The following PLXDC2 variants were observed in gnomAD, a reference collection of about 807,000 sequenced individuals.
PLXDC2 encodes the protein plexin domain containing 2, also known as plexin domain-containing protein 2.
Under a neutral mutation model 68.9 loss-of-function variants are expected in PLXDC2, and 40 were observed. The ratio of observed to expected loss-of-function variants is 0.58; its 90% confidence interval spans 0.45 to 0.76. The LOEUF (loss-of-function observed/expected upper bound fraction) is 0.76. Among genes scored for constraint, PLXDC2 ranks in the 30% least tolerant of loss-of-function variants. The pLI is 0.00. For missense variants in PLXDC2, 644 were observed against 661.9 expected (o/e 0.97, Z 0.30); for synonymous variants, 243 against 234.2 (o/e 1.04, Z -0.34).
chr10:19,829,521 CG>C (rs554853738), intron 1 of PLXDC2, among the ~76,000 whole-genome samples: 2 of 151,978 alleles, frequency 1.3e-5, no homozygotes, highest in Admixed American at 6.6e-5. Context: ...AGGCCAGGCA[CG>C]GGGGCTCATG....
At chr10:19,963,310 G>A (rs369734084) in intron 1 of PLXDC2, among the ~76,000 whole-genome samples, 127 of 152,062 alleles carry the variant, frequency 8.4e-4, no homozygotes, top group Non-Finnish European at 1.5e-3. Flanking sequence ...TTTTGGGGAG[G>A]GCATGATGGA....
intron 1 of PLXDC2, among the ~76,000 whole-genome samples, chr10:19,956,103 A>G (rs558861126): frequency 4.6e-5 from 7 of 152,300 alleles, no homozygotes; most frequent in Non-Finnish European, 7.3e-5. Context: ...GTAATTTTCT[A>G]TTAGAGTAGA....
intron 1 of PLXDC2, among the ~76,000 whole-genome samples, chr10:19,934,762 G>T: frequency 6.6e-6 from 1 of 152,178 alleles, no homozygotes; most frequent in Non-Finnish European, 1.5e-5. Context: ...TTGCGTTCTA[G>T]ACTGTTTCTT....
At position 20,116,407 on chromosome 10, in the gene PLXDC2, C is replaced by CT. The variant is rs1016160707; in HGVS notation, c.542-26880dup. 1.8e-4 allele frequency among the ~76,000 whole-genome samples: 27 copies of CT among 151,990 alleles called. No individual in the cohort carries two copies. The South Asian group carries it at 5.0e-3, about 28-fold the overall frequency. On this transcript the variant is annotated intron_variant, in intron 4 of 13. Coordinates refer to ENST00000377252, the MANE Select transcript of PLXDC2 (RefSeq NM_032812.9). ...CCACAGTTCTGGTTCTATTGCCTGC[C>CT]TTTTTTTTCCATATACCCATTTCTC...
intron 6 of PLXDC2, among the ~76,000 whole-genome samples, chr10:20,153,913 C>T (rs1362968620): frequency 6.6e-6 from 1 of 152,122 alleles, no homozygotes; most frequent in Non-Finnish European, 1.5e-5. Flanking sequence ...CTTCCTTAGC[C>T]AGTCATTATC....
At chr10:20,044,187 TTCTTTC>T (rs1267848126) in intron 2 of PLXDC2, among the ~76,000 whole-genome samples, 15 of 127,122 alleles carry the variant, frequency 1.2e-4, no homozygotes, top group Non-Finnish European at 2.2e-4. Context: ...CCTTCTTTCT[TTCTTTC>T]TCTCTCTCTC....
intron 9 of PLXDC2, among the ~76,000 whole-genome samples, chr10:20,185,295 G>A (rs1834667679): frequency 6.6e-6 from 1 of 151,742 alleles, no homozygotes; most frequent in Non-Finnish European, 1.5e-5. Context: ...AAAACTGGGT[G>A]TATTAAGAGA....
rs1354208728 is a variant in PLXDC2 at position 19,861,027 on chromosome 10, T to G, written c.112+43836T>G. Among the ~76,000 whole-genome samples the G allele has an allele frequency of 5.9e-5, 9 of 152,042 alleles. No homozygotes were observed. The East Asian group carries it at 1.6e-3, about 26-fold the overall frequency. On this transcript the variant is annotated intron_variant, in intron 1 of 13. Coordinates refer to ENST00000377252, the MANE Select transcript of PLXDC2 (RefSeq NM_032812.9). ...CTGGGTGATTTTTTTTTTTTTTCTT[T>G]TTACTTTCTGTCTTTTCTTTTTTTT...
chr10:20,035,723 AG>A (rs1476951181), intron 2 of PLXDC2, among the ~76,000 whole-genome samples: 1 of 152,102 alleles, frequency 6.6e-6, no homozygotes, highest in Non-Finnish European at 1.5e-5. Flanking sequence ...ATTTTAAAAA[AG>A]TATATGTTTA....
intron 2 of PLXDC2, among the ~76,000 whole-genome samples, chr10:20,024,878 G>A (rs1835370601): frequency 6.6e-6 from 1 of 152,114 alleles, no homozygotes; most frequent in South Asian, 2.1e-4. Flanking sequence ...CTGCATCCAT[G>A]TTGCTTAAAG....
rs369098003 is a variant in PLXDC2, at chr10:19,940,133, G to A, written c.113-61642G>A. On this transcript the variant is annotated intron_variant, in intron 1 of 13. Coordinates refer to ENST00000377252, the MANE Select transcript of PLXDC2 (RefSeq NM_032812.9). ...GGGTCTTATCATTGGGCAAATTCAT[G>A]TGCTGGAAATGGAAGGTAGAGAAAT... Among the ~76,000 whole-genome samples, 7 of 151,880 alleles carry A rather than the reference G, an allele frequency of 4.6e-5. No individual in the cohort carries two copies. In the East Asian group the frequency reaches 7.7e-4, roughly 17 times the overall value.
intron 2 of PLXDC2, among the ~76,000 whole-genome samples, chr10:20,040,621 G>T (rs528696949): frequency 6.6e-6 from 1 of 152,184 alleles, no homozygotes; most frequent in Admixed American, 6.5e-5. Flanking sequence ...CTGCCTTGCA[G>T]AATGACTGGT....
chr10:20,251,667 T>C (rs1564367575), intron 13 of PLXDC2, among the ~76,000 whole-genome samples: 1 of 152,140 alleles, frequency 6.6e-6, no homozygotes, highest in Non-Finnish European at 1.5e-5. Context: ...GAAAATAATA[T>C]TACAAAGTGA....
At chr10:19,886,756 T>A (rs1837854273) in intron 1 of PLXDC2, among the ~76,000 whole-genome samples, 1 of 152,128 alleles carries the variant, frequency 6.6e-6, no homozygotes, top group Non-Finnish European at 1.5e-5. Context: ...TTCAACATAG[T>A]GTTGGAAGTT....
At chr10:20,102,279 A>T (rs1833434014) in intron 4 of PLXDC2, among the ~76,000 whole-genome samples, 1 of 152,196 alleles carries the variant, frequency 6.6e-6, no homozygotes, top group African/African-American at 2.4e-5. Context: ...TCTTACATAT[A>T]TTGATTAAAT....
At chr10:20,231,897 G>C (rs1429955756) in intron 12 of PLXDC2, among the ~76,000 whole-genome samples, 1 of 151,820 alleles carries the variant, frequency 6.6e-6, no homozygotes, top group Non-Finnish European at 1.5e-5. Flanking sequence ...TACGCCTGTA[G>C]TCCCAGCTAT....
At chr10:20,214,040 A>G (rs1380745354) in intron 10 of PLXDC2, among the ~76,000 whole-genome samples, 1 of 152,150 alleles carries the variant, frequency 6.6e-6, no homozygotes, top group Non-Finnish European at 1.5e-5. Flanking sequence ...TATGTAATCT[A>G]CTCACTGAAG....
chr10:20,210,754 C>T (rs994457182), intron 9 of PLXDC2, among the ~76,000 whole-genome samples: 22 of 152,188 alleles, frequency 1.4e-4, no homozygotes, highest in African/African-American at 5.1e-4. Context: ...CAGGAGAGAC[C>T]AGTGCAAGTT....
At chr10:19,843,268 A>T (rs1242327181) in intron 1 of PLXDC2, among the ~76,000 whole-genome samples, 1 of 151,884 alleles carries the variant, frequency 6.6e-6, no homozygotes, top group East Asian at 1.9e-4. Flanking sequence ...TGGAATACTT[A>T]TTTTTTTGTT....
Sources: gnomAD v4.1 joint callset for allele counts (sites outside exome capture counted in the v4.1 genomes callset) on GRCh38, gnomAD v4.1.1 for gene constraint, MANE v1.5 for transcripts, NCBI Gene and HGNC (gene_info 2026-07-23, HGNC 2026-07-21) for gene names.